DNM2: variants seen among roughly 807,000 people sequenced by gnomAD.
DNM2 encodes dynamin-2.
In DNM2, 15 loss-of-function variants were observed where a neutral mutation model predicts 99.0. That is an observed-to-expected ratio of 0.15 (90% CI 0.10 to 0.23). DNM2 has a LOEUF of 0.23. Ranked by LOEUF, DNM2 falls within the 10% of genes least tolerant of loss-of-function variation. The pLI is 1.00. For missense variants in DNM2, 742 were observed against 1,189.4 expected, an observed-to-expected ratio of 0.62 and a Z score of 5.53; for synonymous variants, 525 against 481.2, an observed-to-expected ratio of 1.09 and a Z score of -1.19.
chr19:10,757,334 C>T (rs1435152889), intron 1 of DNM2, among the ~76,000 whole-genome samples: 25 of 152,218 alleles, frequency 1.6e-4, no homozygotes, highest in Non-Finnish European at 1.5e-5. Context: ...CGGGCTAGAA[C>T]CCATCATCCA....
intron 13 of DNM2, among the ~76,000 whole-genome samples, chr19:10,808,146 A>G (rs1047355837): frequency 7.8e-6 from 1 of 128,614 alleles, no homozygotes; most frequent in Non-Finnish European, 1.6e-5. Context: ...CCATATCAGG[A>G]AAAAAAAAAA....
At position 10,829,158 on chromosome 19, in the gene DNM2, T is replaced by C; in HGVS notation, c.2181T>C (p.His727=). Residue 727 remains histidine (H), a synonymous_variant, in exon 19 of 21, where the codon CAT becomes CAC. Coordinates refer to ENST00000389253, the MANE Select transcript of DNM2 (RefSeq NM_001005361.3). ...GGGACGACATGCTGCGCATGTACCA[T>C]GCCCTCAAGGAGGCGCTCAACATCA... The part of the protein sequence containing the change: ...QRRDDMLRMY[H]ALKEALNIIG... 1.2e-6 allele frequency: 2 copies of C among 1,614,014 alleles called. No homozygotes were observed. The highest frequency in any genetic ancestry group is 1.7e-6 in the Non-Finnish European group (2 of 1,180,038).
rs747966753 is a variant in DNM2, at chr19:10,825,224, G to A, written c.2058+3G>A. Reference sequence around the variant, plus strand: ...TCATGCACCTCATGATCAACAATGTGAGTGGAGAACTAAAAATGAGAAGGA... The same window carrying A: ...TCATGCACCTCATGATCAACAATGTAAGTGGAGAACTAAAAATGAGAAGGA... On this transcript the variant is annotated splice_donor_region_variant and intron_variant, in intron 18 of 20. Transcript: ENST00000389253. 11 of 1,613,922 alleles carry A rather than the reference G, an allele frequency of 6.8e-6. No individual in the cohort carries two copies. In the South Asian group the frequency reaches 1.1e-4, roughly 16 times the overall value.
At chr19:10,781,018 TAAAAAAA>T (rs5827115) in intron 5 of DNM2, among the ~76,000 whole-genome samples, 5 of 114,434 alleles carry the variant, frequency 4.4e-5, no homozygotes, top group African/African-American at 6.9e-5. Context: ...ACTCTGTCTT[TAAAAAAA>T]AAAAAAAAAA....
In DNM2 at chr19:10,830,132, C is replaced by A; in HGVS notation, c.2297C>A (p.Thr766Asn). Residue 766 changes from threonine (T) to asparagine (N), a missense_variant, in exon 20 of 21, where the codon ACT becomes AAT. By Grantham distance (65) the Thr-to-Asn change is moderately conservative. Coordinates refer to ENST00000389253, the MANE Select transcript of DNM2 (RefSeq NM_001005361.3). The surrounding 1 kb of genome is among the most constrained non-coding windows in gnomAD (Gnocchi z 4.8). ...CACCCTCTCCTTCCTCACAGCCCCA[C>A]TCCACAGCGCCGACCGGTGTCCAGC... ...WLQSASSHSP[T>N]PQRRPVSSIH... 6.2e-7 allele frequency: 1 copy of A among 1,613,876 alleles called. No individual in the cohort carries two copies. Among genetic ancestry groups the A allele is most frequent in the South Asian group, 1.1e-5 (1 of 91,088 alleles).
At chr19:10,737,272 C>T (rs192249457) in intron 1 of DNM2, among the ~76,000 whole-genome samples, 112 of 152,216 alleles carry the variant, frequency 7.4e-4, no homozygotes, top group African/African-American at 2.6e-3. Flanking sequence ...TTTTCACATG[C>T]TGCTTCCACT....
At chr19:10,743,147 C>G (rs912572072) in intron 1 of DNM2, among the ~76,000 whole-genome samples, 5 of 151,832 alleles carry the variant, frequency 3.3e-5, no homozygotes, top group African/African-American at 9.7e-5. Flanking sequence ...CTCAGGTGTT[C>G]CGCCTGCCAT....
Position 10,823,612 on chromosome 19 carries a change from A to C in DNM2, c.1782-176A>C, listed in dbSNP as rs1016894381. 6 of 613,074 alleles carry C rather than the reference A, an allele frequency of 9.8e-6. No individual in the cohort carries two copies. In the East Asian group the frequency reaches 1.4e-4, roughly 14 times the overall value. The allele number at this position is 613,074 out of a possible 1,614,324, so 38.0% of individuals were successfully genotyped here. On this transcript the variant is annotated intron_variant, in intron 16 of 20. Transcript: ENST00000389253. ...TCAGACACTTGCCGAGCTTGTGCAC[A>C]GCGCTCTTCTGTGTAGGCGTCACTC...
rs2072020854 is a variant in DNM2 at position 10,798,503 on chromosome 19, G to C, written c.1353G>C (p.Arg451=). ...KCAEKLSSYP[R]LREETERIVT... The stretch of plus-strand genomic sequence containing the variant: ...TCCCCCAGCTCAGTTCCTACCCCCG[G>C]TTGCGAGAGGAGACAGAGCGAATCG... The change falls in exon 11 of 21, where the codon CGG becomes CGC. Residue 451 remains arginine (R), a synonymous_variant. Coordinates refer to ENST00000389253, the MANE Select transcript of DNM2 (RefSeq NM_001005361.3). The C allele has an allele frequency of 6.2e-7, 1 of 1,614,020 alleles. No individual in the cohort carries two copies. The highest frequency in any genetic ancestry group is 1.1e-5 in the South Asian group (1 of 91,092).
chr19:10,727,810 G>T (rs11671653), intron 1 of DNM2, among the ~76,000 whole-genome samples: 3 of 152,018 alleles, frequency 2.0e-5, no homozygotes, highest in Non-Finnish European at 4.4e-5. Context: ...TTGAATGAAA[G>T]TGCTGAAATT....
intron 1 of DNM2, among the ~76,000 whole-genome samples, chr19:10,720,676 G>A (rs952512572): frequency 5.3e-5 from 8 of 152,128 alleles, no homozygotes; most frequent in Non-Finnish European, 1.2e-4. Flanking sequence ...ACTGCAGTGA[G>A]CCGTGATTGC....
rs925961687 is a variant in DNM2 at position 10,796,817 on chromosome 19, C to T, written c.1197-563C>T. Among the ~76,000 whole-genome samples, 9 of 152,094 alleles carry T rather than the reference C, an allele frequency of 5.9e-5. No homozygotes were observed. The highest frequency in any genetic ancestry group is 1.9e-4 in the East Asian group (1 of 5,148). On this transcript the variant is annotated intron_variant, in intron 9 of 20. Coordinates refer to ENST00000389253, the MANE Select transcript of DNM2 (RefSeq NM_001005361.3). The surrounding 1 kb of genome is among the most constrained non-coding windows in gnomAD (Gnocchi z 5.6). ...GAGCCACTGCCTCCACTCAGCAGGA[C>T]GCGCCGGGCTCCCCCAACCCGCGCC...
intron 1 of DNM2, among the ~76,000 whole-genome samples, chr19:10,743,575 C>G (rs573437259): frequency 3.3e-5 from 5 of 151,872 alleles, no homozygotes; most frequent in Non-Finnish European, 7.4e-5. Context: ...CTTTGGGAGG[C>G]GGAGGCAGGT....
intron 7 of DNM2, among the ~76,000 whole-genome samples, chr19:10,787,184 T>G (rs1296036230): frequency 6.6e-6 from 1 of 151,362 alleles, no homozygotes; most frequent in Admixed American, 6.6e-5. Context: ...AATTGCAAAA[T>G]TAGGCTGGGC....
At chr19:10,718,621 C>T (rs939069357) in intron 1 of DNM2, 2 of 578,338 alleles carry the variant, frequency 3.5e-6, no homozygotes, top group East Asian at 4.4e-5. Flanking sequence ...GGCGGTGTCA[C>T]GGGCCAGGGC....
At chr19:10,826,844 G>A (rs1049734768) in intron 18 of DNM2, among the ~76,000 whole-genome samples, 1 of 152,084 alleles carries the variant, frequency 6.6e-6, no homozygotes, top group Admixed American at 6.6e-5. Context: ...CCATGATTAC[G>A]CCACTGCTCT....
intron 1 of DNM2, chr19:10,755,106 A>ACC (rs2070336387): frequency 6.6e-6 from 1 of 152,222 alleles, no homozygotes; most frequent in African/African-American, 2.4e-5. Context: ...TGTGTCTACA[A>ACC]AAAGCGCATA....
chr19:10,786,827 T>C lies in DNM2; in HGVS notation c.992+121T>C. 1.9e-6 allele frequency: 3 copies of C among 1,540,246 alleles called. No individual in the cohort carries two copies. In the East Asian group the frequency reaches 7.3e-5, roughly 37 times the overall value. ...ACTCATTGATTCAGCAGACACTTGC[T>C]GCAAGCCTTCTGCGTGCCAGGCTCC... On this transcript the variant is annotated intron_variant, in intron 7 of 20. Transcript: ENST00000389253.
rs957246959 is a variant in DNM2 at position 10,817,663 on chromosome 19, A to G, written c.1672-2317A>G. Among the ~76,000 whole-genome samples, 7 of 149,904 alleles carry G rather than the reference A, an allele frequency of 4.7e-5. No homozygotes were observed. The highest frequency in any genetic ancestry group is 1.7e-4 in the African/African-American group (7 of 40,800). On this transcript the variant is annotated intron_variant, in intron 15 of 20. Transcript: ENST00000389253. The surrounding 1 kb of genome is among the most constrained non-coding windows in gnomAD (Gnocchi z 4.6). ...GCTGGGGCCGGCTCGCATCTGGAGA[A>G]AGTTCTGGGTTTTCAGGAAATCCTA...
Sources: allele counts gnomAD v4.1 joint callset (sites outside exome capture counted in the v4.1 genomes callset), GRCh38; gene constraint gnomAD v4.1.1; non-coding constraint Gnocchi (gnomAD v3.1); transcripts MANE v1.5; gene names NCBI Gene and HGNC (gene_info 2026-07-23, HGNC 2026-07-21).